Variants in TAFA5 observed in about 807,000 individuals in gnomAD.
TAFA5 encodes the protein chemokine-like protein TAFA-5.
In TAFA5, 6 loss-of-function variants were observed where a neutral mutation model predicts 15.3. That is an observed-to-expected ratio of 0.39 (90% CI 0.21 to 0.77). The LOEUF is 0.77. Among genes scored for constraint, TAFA5 ranks in the 30% least tolerant of loss-of-function variants. TAFA5 has a pLI of 0.41. For synonymous variants in TAFA5, 103 were observed against 80.7 expected (o/e 1.28, Z -1.48); for missense variants, 161 against 193.1 (o/e 0.83, Z 0.98).
chr22:48,568,747 C>A (rs547124162), intron 1 of TAFA5, among the ~76,000 whole-genome samples: 9 of 152,330 alleles, frequency 5.9e-5, no homozygotes, highest in Admixed American at 1.3e-4. Flanking sequence ...GTCCTCCCCC[C>A]ACGAAGCCCA....
At chr22:48,666,502 C>T (rs11913608) in intron 2 of TAFA5, among the ~76,000 whole-genome samples, 718 of 53,580 alleles carry the variant, frequency 0.013, 6 homozygotes, top group South Asian at 0.029. Flanking sequence ...TACTGAGGCC[C>T]ATGACCAGGC....
intron 1 of TAFA5, among the ~76,000 whole-genome samples, chr22:48,527,111 C>T (rs926632262): frequency 6.6e-6 from 1 of 152,228 alleles, no homozygotes; most frequent in Non-Finnish European, 1.5e-5. Flanking sequence ...CCCAGTGCCC[C>T]GTGGGCCCTT....
intron 1 of TAFA5, among the ~76,000 whole-genome samples, chr22:48,618,878 G>GC (rs1388951193): frequency 1.3e-5 from 2 of 152,128 alleles, no homozygotes; most frequent in Non-Finnish European, 2.9e-5. Context: ...TTCCCCATAG[G>GC]CCCCCCTCGC....
intron 3 of TAFA5, among the ~76,000 whole-genome samples, chr22:48,743,919 C>A (rs976858812): frequency 1.3e-5 from 2 of 152,252 alleles, no homozygotes; most frequent in Non-Finnish European, 2.9e-5. Flanking sequence ...GCTTGGTGGC[C>A]TGGGGCACTG....
At chr22:48,678,921 C>A (rs1237872589) in intron 2 of TAFA5, among the ~76,000 whole-genome samples, 1 of 151,970 alleles carries the variant, frequency 6.6e-6, no homozygotes, top group East Asian at 1.9e-4. Flanking sequence ...CCCGGCTCCC[C>A]AGCTCCCCGT....
rs79814000 is a variant in TAFA5 at position 48,554,384 on chromosome 22, T to C, written c.112+64680T>C. Among the ~76,000 whole-genome samples the C allele has an allele frequency of 8.2e-3, 1,242 of 152,316 alleles. 14 individuals are homozygous for C. Among genetic ancestry groups the C allele is most frequent in the African/African-American group, 0.029 (1,198 of 41,568 alleles). ...AGGGTTTTTTAAAAATCAAAATGATTTACGATTAATACAGTGCATATTAAA... is the reference window on the plus strand; with the variant it reads ...AGGGTTTTTTAAAAATCAAAATGATCTACGATTAATACAGTGCATATTAAA... On this transcript the variant is annotated intron_variant, in intron 1 of 3. Transcript: ENST00000402357.
At chr22:48,735,144 G>A (rs1929972843) in intron 3 of TAFA5, among the ~76,000 whole-genome samples, 3 of 152,184 alleles carry the variant, frequency 2.0e-5, no homozygotes, top group South Asian at 2.1e-4. Context: ...ATGAGGAAAC[G>A]GAGGCACGGA....
At chr22:48,554,482 T>A (rs1288280927) in intron 1 of TAFA5, among the ~76,000 whole-genome samples, 1 of 152,210 alleles carries the variant, frequency 6.6e-6, no homozygotes, top group Non-Finnish European at 1.5e-5. Flanking sequence ...CATGAGTTAA[T>A]TACTCTTTAG....
In TAFA5 at chr22:48,659,654, G is replaced by A. The variant is rs146690785; in HGVS notation, c.262+12908G>A. Among the ~76,000 whole-genome samples the A allele has an allele frequency of 6.4e-3, 976 of 152,330 alleles. 15 individuals carry two copies. Among genetic ancestry groups the A allele is most frequent in the Admixed American group, 0.016 (246 of 15,304 alleles). ...ACTTGTTCTCGCCCTGTCCTGGTTTGATGAGGGACCCAGCTGCTGTCCTCT... is the reference window on the plus strand; with the variant it reads ...ACTTGTTCTCGCCCTGTCCTGGTTTAATGAGGGACCCAGCTGCTGTCCTCT... On this transcript the variant is annotated intron_variant, in intron 2 of 3. Transcript: ENST00000402357.
At chr22:48,622,967 A>T (rs1925892267) in intron 1 of TAFA5, among the ~76,000 whole-genome samples, 1 of 152,180 alleles carries the variant, frequency 6.6e-6, no homozygotes, top group Non-Finnish European at 1.5e-5. Context: ...TGTTCTGTGG[A>T]CACTTCGCTC....
intron 1 of TAFA5, among the ~76,000 whole-genome samples, chr22:48,636,696 T>C (rs962247591): frequency 6.6e-6 from 1 of 152,176 alleles, no homozygotes; most frequent in Admixed American, 6.5e-5. Context: ...CCCTGCTGCC[T>C]CCGAACCCCA....
chr22:48,549,684 G>A (rs1922794455), intron 1 of TAFA5, among the ~76,000 whole-genome samples: 1 of 152,192 alleles, frequency 6.6e-6, no homozygotes, highest in Non-Finnish European at 1.5e-5. Flanking sequence ...GGCAGGGCCA[G>A]GGCCAGGCTT....
chr22:48,575,404 G>T (rs1185681806), intron 1 of TAFA5, among the ~76,000 whole-genome samples: 2 of 147,468 alleles, frequency 1.4e-5, no homozygotes, highest in Admixed American at 6.7e-5. Context: ...CGGCGGGCGC[G>T]GGCCGGAGTC....
intron 2 of TAFA5, among the ~76,000 whole-genome samples, chr22:48,658,414 G>A (rs1048066697): frequency 5.9e-5 from 9 of 152,252 alleles, no homozygotes; most frequent in Non-Finnish European, 1.2e-4. Flanking sequence ...GCTCAGTTCC[G>A]CAGCTCCCTG....
chr22:48,551,910 C>G (rs1601573789), intron 1 of TAFA5, among the ~76,000 whole-genome samples: 1 of 152,202 alleles, frequency 6.6e-6, no homozygotes, highest in Non-Finnish European at 1.5e-5. Context: ...GGTGTGAGAT[C>G]AAATGAATAG....
At chr22:48,553,489 G>A (rs1229821438) in intron 1 of TAFA5, among the ~76,000 whole-genome samples, 2 of 152,178 alleles carry the variant, frequency 1.3e-5, no homozygotes, top group South Asian at 2.1e-4. Flanking sequence ...AGGAGGATGG[G>A]GTCATGGGGA....
chr22:48,544,183 C>G (rs2147122382), intron 1 of TAFA5: 1 of 168,400 alleles, frequency 5.9e-6, no homozygotes, highest in East Asian at 1.5e-4. Context: ...CCCTTCAGGT[C>G]CCATGGTTTA....
intron 2 of TAFA5, among the ~76,000 whole-genome samples, chr22:48,664,919 G>A (rs546836727): frequency 2.2e-3 from 338 of 152,258 alleles, no homozygotes; most frequent in Middle Eastern, 0.01. Context: ...GCACGTCTCC[G>A]AGTGGCTGTG....
chr22:48,604,936 AGAT>A (rs1415913744), intron 1 of TAFA5, among the ~76,000 whole-genome samples: 2 of 151,762 alleles, frequency 1.3e-5, no homozygotes, highest in Non-Finnish European at 2.9e-5. Flanking sequence ...GTGGTGTGGG[AGAT>A]GATGATACTG....
Sources: allele counts gnomAD v4.1 joint callset (sites outside exome capture counted in the v4.1 genomes callset), GRCh38; gene constraint gnomAD v4.1.1; transcripts MANE v1.5; gene names NCBI Gene and HGNC (gene_info 2026-07-23, HGNC 2026-07-21).